Variants in ARHGAP26 observed in about 807,000 individuals in gnomAD.
The protein encoded by ARHGAP26 is rho GTPase-activating protein 26.
A neutral mutation model predicts 104.8 loss-of-function variants in ARHGAP26; 38 were observed. The ratio of observed to expected loss-of-function variants is 0.36; its 90% CI spans 0.28 to 0.48. The LOEUF is 0.48. Ranked by LOEUF, ARHGAP26 falls within the 20% of genes least tolerant of loss-of-function variation. ARHGAP26 has a pLI of 0.99. For synonymous variants in ARHGAP26, 341 were observed against 340.0 expected, an observed-to-expected ratio of 1.00 and a Z score of -0.03; for missense variants, 704 against 947.9, an observed-to-expected ratio of 0.74 and a Z score of 3.38.
At chr5:143,006,825 C>G (rs1441289252) in intron 11 of ARHGAP26, among the ~76,000 whole-genome samples, 1 of 152,148 alleles carries the variant, frequency 6.6e-6, no homozygotes, top group East Asian at 1.9e-4. Context: ...CAAGTGTGGC[C>G]TGTGGCCCAT....
At chr5:142,851,385 C>T (rs183670833) in intron 1 of ARHGAP26, among the ~76,000 whole-genome samples, 1 of 152,380 alleles carries the variant, frequency 6.6e-6, no homozygotes, top group Non-Finnish European at 1.5e-5. Flanking sequence ...GCGTGAGCCG[C>T]TGCGCCCAGC....
chr5:143,020,709 G>A (rs1020637392), intron 12 of ARHGAP26, among the ~76,000 whole-genome samples: 11 of 129,284 alleles, frequency 8.5e-5, no homozygotes, highest in East Asian at 7.5e-4. Context: ...CATGATCTCC[G>A]CTCACTGCAA....
rs150991876 is a variant in ARHGAP26 at position 142,821,857 on chromosome 5, C to T, written c.154+50942C>T. The stretch of plus-strand genomic sequence containing the variant: ...TAATAGTTCTCATCTTTGCCCCTTA[C>T]GTATTGGTGCTCAGCTGCTTATAAA... On this transcript the variant is annotated intron_variant, in intron 1 of 22. Transcript: ENST00000645722. 4.0e-3 allele frequency among the ~76,000 whole-genome samples: 604 copies of T among 152,172 alleles called. 5 individuals are homozygous for T. Among genetic ancestry groups the T allele is most frequent in the African/African-American group, 0.013 (549 of 41,502 alleles).
At chr5:143,131,679 C>G (rs930875753) in intron 18 of ARHGAP26, among the ~76,000 whole-genome samples, 1 of 152,208 alleles carries the variant, frequency 6.6e-6, no homozygotes, top group South Asian at 2.1e-4. Flanking sequence ...CTCCTGGTCA[C>G]TCTCCTGCTT....
At chr5:142,955,103 C>G (rs895830463) in intron 11 of ARHGAP26, among the ~76,000 whole-genome samples, 4 of 151,268 alleles carry the variant, frequency 2.6e-5, no homozygotes, top group Non-Finnish European at 4.4e-5. Context: ...TCTACACACA[C>G]ACACACACAC....
chr5:143,017,175 G>A (rs1779707702), intron 12 of ARHGAP26, among the ~76,000 whole-genome samples: 1 of 152,186 alleles, frequency 6.6e-6, no homozygotes, highest in Non-Finnish European at 1.5e-5. Context: ...GAATTTCAAT[G>A]CAAACATTTT....
chr5:142,821,300 GTT>G (rs71576157), intron 1 of ARHGAP26, among the ~76,000 whole-genome samples: 14,928 of 105,866 alleles, frequency 0.14, 1,373 homozygotes, highest in East Asian at 0.26. Flanking sequence ...AGGTAGAGTG[GTT>G]TTTTTTTTTT....
intron 1 of ARHGAP26, 54 bp from the exon 2 acceptor site, chr5:142,873,346 G>A: frequency 1.4e-6 from 2 of 1,418,840 alleles, no homozygotes; most frequent in Non-Finnish European, 2.0e-6. Context: ...CAGCAAATCA[G>A]AAAGCCAGTT....
intron 5 of ARHGAP26, among the ~76,000 whole-genome samples, chr5:142,892,130 G>T (rs549950796): frequency 1.3e-5 from 2 of 152,110 alleles, no homozygotes; most frequent in South Asian, 4.1e-4. Context: ...TTATCACAAA[G>T]GAAGTATTTG....
chr5:142,856,061 A>G (rs1360611363), intron 1 of ARHGAP26, among the ~76,000 whole-genome samples: 2 of 152,192 alleles, frequency 1.3e-5, no homozygotes, highest in Admixed American at 1.3e-4. Context: ...TCTTTATGTT[A>G]TTGTGTTCGC....
At chr5:142,900,108 G>A (rs1489008886) in intron 6 of ARHGAP26, among the ~76,000 whole-genome samples, 1 of 152,204 alleles carries the variant, frequency 6.6e-6, no homozygotes, top group African/African-American at 2.4e-5. Flanking sequence ...GGAGAGCAGA[G>A]TTAAGAAGAG....
At chr5:143,102,677 A>G (rs147814049) in intron 17 of ARHGAP26, among the ~76,000 whole-genome samples, 1 of 152,360 alleles carries the variant, frequency 6.6e-6, no homozygotes, top group Non-Finnish European at 1.5e-5. Flanking sequence ...ATACCAGAGG[A>G]GAAAGCTTGC....
chr5:142,980,630 C>G (rs960932227), intron 11 of ARHGAP26, among the ~76,000 whole-genome samples: 9 of 152,100 alleles, frequency 5.9e-5, no homozygotes, highest in Non-Finnish European at 1.2e-4. Flanking sequence ...CTCAGGCAAT[C>G]TGCCTGCCTT....
In ARHGAP26 at chr5:142,880,021, T is replaced by A. The variant is rs1406207038; in HGVS notation, c.384+576T>A. 2.0e-5 allele frequency among the ~76,000 whole-genome samples: 3 copies of A among 152,324 alleles called. No homozygotes were observed. The East Asian group carries it at 5.8e-4, about 29-fold the overall frequency. ...TGTGAAATTTCTTGTTGGCAAATAA[T>A]TTTAAAATATATATTACCCATTGTG... On this transcript the variant is annotated intron_variant, in intron 4 of 22. Transcript: ENST00000645722.
Position 143,228,892 on chromosome 5 carries a change from C to A in ARHGAP26, c.*6446C>A, listed in dbSNP as rs142775987. On this transcript the variant is annotated 3_prime_UTR_variant, in exon 23 of 23. Coordinates refer to ENST00000645722, the MANE Select transcript of ARHGAP26 (RefSeq NM_001135608.3). ...TATATCTATAAAGAAAACAAAATTT[C>A]TGTTCAGAGGCCTCTGAAACTTGGC... The A allele has an allele frequency of 3.7e-3, 702 of 187,920 alleles. 5 individuals are homozygous for A. The highest frequency in any genetic ancestry group is 0.016 in the African/African-American group (676 of 42,990). The allele number at this position is 187,920 out of a possible 1,614,324, so 11.6% of individuals were successfully genotyped here.
chr5:143,123,914 A>C (rs1363181576), intron 18 of ARHGAP26, among the ~76,000 whole-genome samples: 1 of 152,164 alleles, frequency 6.6e-6, no homozygotes, highest in South Asian at 2.1e-4. Flanking sequence ...GGTCTTAGTT[A>C]ATACTTACCA....
intron 18 of ARHGAP26, among the ~76,000 whole-genome samples, chr5:143,123,893 A>G (rs779793832): frequency 6.6e-6 from 1 of 152,186 alleles, no homozygotes; most frequent in African/African-American, 2.4e-5. Context: ...ATAAAACTTC[A>G]TAGTATTTAA....
intron 17 of ARHGAP26, among the ~76,000 whole-genome samples, chr5:143,117,048 A>G (rs1795551605): frequency 6.6e-6 from 1 of 152,242 alleles, no homozygotes; most frequent in Non-Finnish European, 1.5e-5. Flanking sequence ...AAAAGACGCC[A>G]CAGCAGAGTA....
chr5:142,772,217 C>T (rs1026280867), intron 1 of ARHGAP26, among the ~76,000 whole-genome samples: 2 of 152,242 alleles, frequency 1.3e-5, no homozygotes, highest in Admixed American at 1.3e-4. Flanking sequence ...AATGCCAGGG[C>T]AGCCCAAAGT....
Sources: gnomAD v4.1 joint callset for allele counts (sites outside exome capture counted in the v4.1 genomes callset) on GRCh38, gnomAD v4.1.1 for gene constraint, MANE v1.5 for transcripts, NCBI Gene and HGNC (gene_info 2026-07-23, HGNC 2026-07-21) for gene names.